Variants in ADAM15 observed in about 807,000 individuals in gnomAD.
ADAM15 encodes ADAM metallopeptidase domain 15.
Under a neutral mutation model 113.8 loss-of-function variants are expected in ADAM15, and 77 were observed. The ratio of observed to expected loss-of-function variants is 0.68; its 90% CI spans 0.56 to 0.82. The LOEUF is 0.82. Ranked by LOEUF, ADAM15 falls within the 40% of genes least tolerant of loss-of-function variation. The pLI, the probability that ADAM15 is intolerant of heterozygous loss-of-function variation, is 0.00. For synonymous variants in ADAM15, 388 were observed against 454.1 expected, an observed-to-expected ratio of 0.85 and a Z score of 1.85; for missense variants, 963 against 1,120.1, an observed-to-expected ratio of 0.86 and a Z score of 2.00.
In ADAM15 at chr1:155,059,542, CT is replaced by C. The variant is rs370734573; in HGVS notation, c.1996-359del. Among the ~76,000 whole-genome samples the C allele has an allele frequency of 9.7e-4, 148 of 152,238 alleles. 3 individuals are homozygous for C. In the South Asian group the frequency reaches 0.026, roughly 26 times the overall value. On this transcript the variant is annotated intron_variant, in intron 16 of 22. Transcript: ENST00000356955. Reference sequence around the variant, plus strand: ...TACTTGGGAGGCTGAGGCAGGAGGACTGCTTGAGCCCAGGAGTTTGGGGCTG... The same window carrying C: ...TACTTGGGAGGCTGAGGCAGGAGGACGCTTGAGCCCAGGAGTTTGGGGCTG...
chr1:155,055,448 G>A (rs562675262), intron 6 of ADAM15: 5 of 313,134 alleles, frequency 1.6e-5, no homozygotes, highest in South Asian at 6.0e-5. Context: ...GGATGGTCTC[G>A]ATCTCCTGAC....
chr1:155,053,965 G>A lies in ADAM15; in HGVS notation c.319G>A (p.Val107Met), dbSNP rs1251675123. ...GTGGTACCAGCCCGATGGCACTCGG[G>A]TGGTCAGTGAGGGACACACTTTGGT... ...LVWYQPDGTRVVSEGHTLENC... is the reference protein window; with the variant it reads ...LVWYQPDGTRMVSEGHTLENC... The change falls in exon 4 of 23, where the codon GTG becomes ATG. Residue 107 changes from valine to methionine, a missense_variant. Coordinates refer to ENST00000356955, the MANE Select transcript of ADAM15 (RefSeq NM_207197.3). 1 of 1,614,214 alleles carries A rather than the reference G, an allele frequency of 6.2e-7. No homozygotes were observed. The highest frequency in any genetic ancestry group is 1.7e-5 in the Admixed American group (1 of 60,018).
Position 155,057,834 on chromosome 1 carries a change from TC to T in ADAM15, c.1417-16del, listed in dbSNP as rs1662005158. The stretch of plus-strand genomic sequence containing the variant: ...ATTTGCTCAGTGCCCACACTGATGC[TC>T]ATCCACCCTCCACAGCTGCGCCCGT... On this transcript the variant is annotated splice_polypyrimidine_tract_variant and intron_variant, in intron 13 of 22. Coordinates refer to ENST00000356955, the MANE Select transcript of ADAM15 (RefSeq NM_207197.3). This position sits in a 1 kb window ranked among gnomAD's most constrained non-coding sequence, Gnocchi z 5.0. 2.0e-5 allele frequency: 33 copies of T among 1,612,674 alleles called. No individual in the cohort carries two copies. Among genetic ancestry groups the T allele is most frequent in the Non-Finnish European group, 2.8e-5 (33 of 1,178,988 alleles).
chr1:155,057,549 G>A lies in ADAM15; in HGVS notation c.1324-88G>A. On this transcript the variant is annotated intron_variant, in intron 12 of 22. Transcript: ENST00000356955. This position sits in a 1 kb window ranked among gnomAD's most constrained non-coding sequence, Gnocchi z 5.0. ...GCCCTCGCTTGCTGTGTAGCTTCTGGTCTTGGCCTGTGGGAGGAGGAGAGA... is the reference window on the plus strand; with the variant it reads ...GCCCTCGCTTGCTGTGTAGCTTCTGATCTTGGCCTGTGGGAGGAGGAGAGA... 1 of 1,546,788 alleles carries A rather than the reference G, an allele frequency of 6.5e-7. No homozygotes were observed. The highest frequency in any genetic ancestry group is 8.9e-7 in the Non-Finnish European group (1 of 1,122,962).
chr1:155,061,686 CA>C, intron 20 of ADAM15, 197 bp downstream of exon 20: 1 of 771,200 alleles, frequency 1.3e-6, no homozygotes, highest in Non-Finnish European at 2.0e-6. Flanking sequence ...ATCTGGTGGT[CA>C]ATGGCGGGAC....
chr1:155,060,616 T>C, intron 18 of ADAM15, 147 bp from the exon 19 acceptor site: 1 of 949,352 alleles, frequency 1.1e-6, no homozygotes, highest in Non-Finnish European at 1.6e-6. Flanking sequence ...AGCTAATAAA[T>C]ACTGCCCCCC....
Position 155,056,453 on chromosome 1 carries a change from TCAGGAGGTGTGAACATGGTGAGTTATTTC to T in ADAM15, c.987_999+16del. On this transcript the variant is annotated splice_donor_variant and splice_donor_5th_base_variant and coding_sequence_variant and intron_variant, in exon 10 of 23. Transcript: ENST00000356955. LOFTEE classifies it high-confidence loss of function. The surrounding 1 kb of genome is among the most constrained non-coding windows in gnomAD (Gnocchi z 4.0). ...GAACTCCATCTGTTCTCCTGACTTC[TCAGGAGGTGTGAACATGGTGAGTTATTTC>T]CAGGTCTCCTCCTCATTCCCAATTC... 1 of 1,614,068 alleles carries T rather than the reference TCAGGAGGTGTGAACATGGTGAGTTATTTC, an allele frequency of 6.2e-7. No homozygotes were observed. The highest frequency in any genetic ancestry group is 8.5e-7 in the Non-Finnish European group (1 of 1,179,972).
In ADAM15 at chr1:155,058,881, T is replaced by A. The variant is rs1662156769; in HGVS notation, c.1995+94T>A. The A allele has an allele frequency of 7.0e-7, 1 of 1,438,428 alleles. No individual in the cohort carries two copies. The highest frequency in any genetic ancestry group is 9.2e-7 in the Non-Finnish European group (1 of 1,083,006). The allele number at this position is 1,438,428 out of a possible 1,614,324, so 89.1% of individuals were successfully genotyped here. A position where few individuals can be genotyped will look rare whatever the true frequency, so the allele number is the denominator to read the frequency against. On this transcript the variant is annotated intron_variant, in intron 16 of 22. Coordinates refer to ENST00000356955, the MANE Select transcript of ADAM15 (RefSeq NM_207197.3). The surrounding 1 kb of genome is among the most constrained non-coding windows in gnomAD (Gnocchi z 4.3). ...GGAAATAGACATATCTGGGTTTTAA[T>A]CCTTGCTCTACTACTTCCCAGTTGT...
At chr1:155,061,151 G>T (rs960641788) in intron 19 of ADAM15, 102 of 577,686 alleles carry the variant, frequency 1.8e-4, no homozygotes, top group Non-Finnish European at 2.9e-4. Context: ...GTGGTGCTCA[G>T]AATGGCCTTC....
rs879301995 is a variant in ADAM15 at position 155,056,198 on chromosome 1, G to A, written c.863G>A (p.Arg288His). ...ACCCTCGAAAACTTCCTCCACTGGC[G>A]CAGGGCACATTTGCTGCCTCGATTG... ...AVTLENFLHW[R>H]RAHLLPRLPH... The change falls in exon 9 of 23, where the codon CGC (arginine) becomes CAC (histidine). Residue 288 changes from arginine to histidine, a missense_variant. Transcript: ENST00000356955. This position sits in a 1 kb window ranked among gnomAD's most constrained non-coding sequence, Gnocchi z 4.0. 5.6e-6 allele frequency: 9 copies of A among 1,613,840 alleles called. No homozygotes were observed. Among genetic ancestry groups the A allele is most frequent in the African/African-American group, 1.3e-5 (1 of 74,890 alleles).
In ADAM15 at chr1:155,055,791, G is replaced by A. The variant is rs1373859313; in HGVS notation, c.614G>A (p.Arg205Lys). ...GATAATTCTTCTTGTCCATAGTAGAGGCGGGATGTGGTAACAGAGACCAAG... is the reference window on the plus strand; with the variant it reads ...GATAATTCTTCTTGTCCATAGTAGAAGCGGGATGTGGTAACAGAGACCAAG... The part of the protein sequence containing the change: ...HPLGQRHIRR[R>K]RDVVTETKTV... The change falls in exon 7 of 23, where the codon AGG becomes AAG. Residue 205 changes from arginine (R) to lysine (K), a missense_variant and splice_region_variant. Physicochemically the swap from Arg to Lys is conservative, Grantham distance 26 (BLOSUM62 2). Transcript: ENST00000356955. The A allele has an allele frequency of 1.2e-6, 2 of 1,614,206 alleles. No individual in the cohort carries two copies. Among genetic ancestry groups the A allele is most frequent in the East Asian group, 2.2e-5 (1 of 44,878 alleles).
chr1:155,053,365 C>T (rs967952004), intron 2 of ADAM15, 52 bp from the exon 3 acceptor site: 2 of 1,549,416 alleles, frequency 1.3e-6, no homozygotes, highest in African/African-American at 2.7e-5. Flanking sequence ...GTTAGAGAGG[C>T]TGGGAGTTGT....
intron 6 of ADAM15, 194 bp from the exon 7 acceptor site, chr1:155,055,596 A>G (rs1326541329): frequency 1.1e-5 from 7 of 618,838 alleles, no homozygotes; most frequent in Admixed American, 2.9e-5. Flanking sequence ...GTCTACTCCA[A>G]CCTTCATTAT....
chr1:155,057,197 A>G lies in ADAM15; in HGVS notation c.1158A>G (p.Pro386=), dbSNP rs749332206. 1.2e-5 allele frequency: 20 copies of G among 1,612,172 alleles called. No individual in the cohort carries two copies. The South Asian group carries it at 2.1e-4, about 17-fold the overall frequency. The change falls in exon 12 of 23, where the codon CCA becomes CCG. Residue 386 remains proline, a synonymous_variant. Transcript: ENST00000356955. The surrounding 1 kb of genome is among the most constrained non-coding windows in gnomAD (Gnocchi z 5.0). ...TTGCCACCCTCCCCAGCTTCCTACC[A>G]GGCCTGAACTTCAGCAACTGCAGCC... is the stretch of plus-strand genomic sequence containing the variant. ...CIMEASTDFL[P]GLNFSNCSRR...
At chr1:155,055,549 GA>G (rs1032171214) in intron 6 of ADAM15, 2 of 554,462 alleles carry the variant, frequency 3.6e-6, no homozygotes, top group Non-Finnish European at 3.2e-6. Context: ...TTAAAAATTT[GA>G]AAAAAACCAC....
At chr1:155,059,852 A>C in intron 16 of ADAM15, 50 bp from the exon 17 acceptor site, 1 of 1,575,162 alleles carries the variant, frequency 6.3e-7, no homozygotes, top group East Asian at 2.2e-5. Context: ...AGAGACAAGG[A>C]AATAGTTCCA....
At chr1:155,054,016 T>A in intron 4 of ADAM15, 28 bp downstream of exon 4, 2 of 1,613,952 alleles carry the variant, frequency 1.2e-6, no homozygotes, top group Non-Finnish European at 1.7e-6. Flanking sequence ...GTGCCATTTT[T>A]GGCTTAGGGG....
At chr1:155,061,740 CT>C in intron 20 of ADAM15, 163 bp from the exon 21 acceptor site, 3 of 883,148 alleles carry the variant, frequency 3.4e-6, no homozygotes, top group Non-Finnish European at 5.2e-6. Context: ...CCTTCCTCCC[CT>C]GAGACATCAG....
intron 17 of ADAM15, 97 bp from the exon 18 acceptor site, chr1:155,060,106 ACT>A: frequency 6.4e-7 from 1 of 1,569,102 alleles, no homozygotes; most frequent in South Asian, 1.2e-5. Context: ...TGAACCCTTC[ACT>A]CTCCCTGATC....
Sources: gnomAD v4.1 joint callset for allele counts (sites outside exome capture counted in the v4.1 genomes callset) on GRCh38, gnomAD v4.1.1 for gene constraint, Gnocchi (gnomAD v3.1) non-coding constraint, MANE v1.5 for transcripts, NCBI Gene and HGNC (gene_info 2026-07-23, HGNC 2026-07-21) for gene names.